HS6ST2: variants seen among roughly 807,000 people sequenced by gnomAD.
HS6ST2 encodes heparan sulfate 6-O-sulfotransferase 2.
A neutral mutation model predicts 33.0 loss-of-function variants in HS6ST2; 17 were observed. That is an observed-to-expected ratio of 0.52 (90% confidence interval 0.35 to 0.77). The LOEUF is 0.77. Among genes scored for constraint, HS6ST2 ranks in the 30% least tolerant of loss-of-function variants. The pLI is 0.01. For synonymous variants in HS6ST2, 248 were observed against 237.1 expected, an observed-to-expected ratio of 1.05 and a Z score of -0.42; for missense variants, 519 against 551.7, an observed-to-expected ratio of 0.94 and a Z score of 0.59.
At chrX:132,956,600 C>G (rs1043198875) in intron 2 of HS6ST2, among the ~76,000 whole-genome samples, 1 of 112,729 alleles carries the variant, frequency 8.9e-6, no homozygotes, top group Non-Finnish European at 1.9e-5. Context: ...GACAGACAGA[C>G]GGTCAGTCCG....
At chrX:132,721,558 A>G (rs1297841161) in intron 2 of HS6ST2, among the ~76,000 whole-genome samples, 1 of 112,413 alleles carries the variant, frequency 8.9e-6, no homozygotes, top group Non-Finnish European at 1.9e-5. Flanking sequence ...GATTCTGCTT[A>G]TCAGGTTAAG....
intron 2 of HS6ST2, among the ~76,000 whole-genome samples, chrX:132,791,434 T>A (rs1476819249): frequency 1.8e-5 from 2 of 112,213 alleles, no homozygotes; most frequent in Non-Finnish European, 3.8e-5. Context: ...TCCCTCTTCA[T>A]AATTCTCATC....
chrX:132,822,067 C>G (rs2065465685), intron 2 of HS6ST2, among the ~76,000 whole-genome samples: 1 of 111,859 alleles, frequency 8.9e-6, no homozygotes, highest in Non-Finnish European at 1.9e-5. Context: ...CTCATTTAAT[C>G]TTCATAATAA....
intron 2 of HS6ST2, among the ~76,000 whole-genome samples, chrX:132,778,269 A>G (rs372504423): frequency 1.2e-4 from 13 of 112,869 alleles, no homozygotes; most frequent in East Asian, 1.1e-3. Flanking sequence ...GCCTCTGGAT[A>G]CAATGATGTA....
At chrX:132,770,737 C>T (rs990088032) in intron 2 of HS6ST2, among the ~76,000 whole-genome samples, 2 of 111,202 alleles carry the variant, frequency 1.8e-5, no homozygotes, top group South Asian at 3.8e-4. Context: ...CCTTCAACTT[C>T]ATTTGAGAAA....
At chrX:132,914,278 C>A (rs2066563777) in intron 2 of HS6ST2, among the ~76,000 whole-genome samples, 2 of 112,104 alleles carry the variant, frequency 1.8e-5, no homozygotes, top group South Asian at 7.4e-4. Context: ...TTTTATTAAA[C>A]CCACATATAA....
intron 3 of HS6ST2, among the ~76,000 whole-genome samples, chrX:132,706,716 A>G (rs1050742866): frequency 1.8e-5 from 2 of 112,486 alleles, no homozygotes; most frequent in African/African-American, 6.5e-5. Flanking sequence ...ATTGTTAATT[A>G]TGAGGCAGCG....
chrX:132,728,266 G>T (rs1158516196), intron 2 of HS6ST2, among the ~76,000 whole-genome samples: 3 of 111,947 alleles, frequency 2.7e-5, no homozygotes, highest in Non-Finnish European at 5.6e-5. Flanking sequence ...AATGGACAAG[G>T]GTTCCGGTTT....
chrX:132,810,483 T>C (rs1356883437), intron 2 of HS6ST2, among the ~76,000 whole-genome samples: 1 of 110,254 alleles, frequency 9.1e-6, no homozygotes, highest in African/African-American at 3.3e-5. Context: ...AAAATCACTT[T>C]GAGAAGCTTG....
intron 2 of HS6ST2, among the ~76,000 whole-genome samples, chrX:132,930,079 G>A (rs1004004177): frequency 2.7e-5 from 3 of 111,738 alleles, no homozygotes; most frequent in African/African-American, 9.8e-5. Context: ...ACCAATAAAA[G>A]AGACCCAATT....
At chrX:132,789,467 C>G (rs2065097710) in intron 2 of HS6ST2, among the ~76,000 whole-genome samples, 1 of 111,373 alleles carries the variant, frequency 9.0e-6, no homozygotes, top group Non-Finnish European at 1.9e-5. Flanking sequence ...TCATGGAGAT[C>G]TACACAGAGC....
chrX:132,768,609 T>C (rs942102180), intron 2 of HS6ST2, among the ~76,000 whole-genome samples: 3 of 112,287 alleles, frequency 2.7e-5, no homozygotes, highest in African/African-American at 9.7e-5. Flanking sequence ...AACTGAGCTA[T>C]GCAAAATGCA....
intron 2 of HS6ST2, among the ~76,000 whole-genome samples, chrX:132,945,804 A>C (rs1300763902): frequency 1.1e-5 from 1 of 93,349 alleles, no homozygotes; most frequent in African/African-American, 4.0e-5. Context: ...GAACAACAAG[A>C]ACACTTGGAC....
chrX:132,655,626 T>C lies in HS6ST2; in HGVS notation c.1067+13487A>G, dbSNP rs34480929. Among the ~76,000 whole-genome samples the C allele has an allele frequency of 9.1e-3, 1,011 of 110,680 alleles. 7 individuals carry two copies. Among genetic ancestry groups the C allele is most frequent in the Middle Eastern group, 0.014 (3 of 216 alleles). On this transcript the variant is annotated intron_variant, in intron 4 of 4. Coordinates refer to ENST00000370833, the MANE Select transcript of HS6ST2 (RefSeq NM_001394073.1). ...AAGGACACAGGTTATTCAAGATAGGTGCAATGGTATGGAAAAGCAGACATT... is the reference window on the plus strand; with the variant it reads ...AAGGACACAGGTTATTCAAGATAGGCGCAATGGTATGGAAAAGCAGACATT...
intron 2 of HS6ST2, among the ~76,000 whole-genome samples, chrX:132,755,041 T>C (rs1288323731): frequency 9.0e-6 from 1 of 111,531 alleles, no homozygotes; most frequent in African/African-American, 3.3e-5. Flanking sequence ...AGGAAGTCAC[T>C]ATTCGCAGTT....
chrX:132,737,711 G>T (rs1381870120), intron 2 of HS6ST2, among the ~76,000 whole-genome samples: 4 of 112,508 alleles, frequency 3.6e-5, no homozygotes, highest in African/African-American at 1.3e-4. Flanking sequence ...CCAGCGGAAG[G>T]GGCAAGCATA....
intron 2 of HS6ST2, among the ~76,000 whole-genome samples, chrX:132,832,718 A>G (rs551933751): frequency 2.1e-4 from 23 of 112,032 alleles, no homozygotes; most frequent in East Asian, 2.8e-4. Context: ...CCAATTTGCT[A>G]CTAACTTATA....
intron 2 of HS6ST2, among the ~76,000 whole-genome samples, chrX:132,889,869 C>T (rs1457926101): frequency 8.9e-6 from 1 of 111,813 alleles, no homozygotes; most frequent in African/African-American, 3.3e-5. Context: ...GGAGGCATCA[C>T]ATTGCCTGAC....
chrX:132,845,529 G>T (rs979554548), intron 2 of HS6ST2, among the ~76,000 whole-genome samples: 3 of 111,409 alleles, frequency 2.7e-5, no homozygotes, highest in Non-Finnish European at 5.7e-5. Flanking sequence ...AGGTATAAAA[G>T]AATTCTACTG....
Sources: allele counts gnomAD v4.1 joint callset (sites outside exome capture counted in the v4.1 genomes callset), GRCh38; gene constraint gnomAD v4.1.1; transcripts MANE v1.5; gene names NCBI Gene and HGNC (gene_info 2026-07-23, HGNC 2026-07-21).